IL1RAPL1: variants seen among roughly 807,000 people sequenced by gnomAD.
IL1RAPL1 encodes interleukin-1 receptor accessory protein-like 1.
In IL1RAPL1, 3 loss-of-function variants were observed where a neutral mutation model predicts 48.4. That is an observed-to-expected ratio of 0.06 (90% CI 0.03 to 0.16). The LOEUF is 0.16. IL1RAPL1 is among the 10% of genes least tolerant of loss of function. The pLI is 1.00. For missense variants in IL1RAPL1, 349 were observed against 530.6 expected (o/e 0.66, Z 3.36); for synonymous variants, 185 against 187.7 (o/e 0.99, Z 0.12).
chrX:29,608,687 G>A (rs1334094078), intron 5 of IL1RAPL1, among the ~76,000 whole-genome samples: 9 of 99,646 alleles, frequency 9.0e-5, no homozygotes, highest in Admixed American at 4.5e-4. Context: ...TTAGCCGGGC[G>A]TGGTGGCGGG....
intron 2 of IL1RAPL1, among the ~76,000 whole-genome samples, chrX:29,156,271 T>C (rs1221409890): frequency 9.0e-6 from 1 of 111,705 alleles, no homozygotes; most frequent in East Asian, 2.8e-4. Context: ...CCTGTTGGAT[T>C]GAAGCATATT....
At chrX:29,166,503 A>G (rs1929788364) in intron 2 of IL1RAPL1, among the ~76,000 whole-genome samples, 1 of 111,504 alleles carries the variant, frequency 9.0e-6, no homozygotes, top group African/African-American at 3.3e-5. Flanking sequence ...TCGAAGTGAC[A>G]ATCTTCTGAA....
intron 2 of IL1RAPL1, among the ~76,000 whole-genome samples, chrX:29,117,158 A>G (rs1928693581): frequency 9.0e-6 from 1 of 111,557 alleles, no homozygotes; most frequent in African/African-American, 3.3e-5. Context: ...AACTGTAAGG[A>G]CTTGATATGG....
chrX:29,122,256 G>A (rs953425486), intron 2 of IL1RAPL1, among the ~76,000 whole-genome samples: 2 of 111,273 alleles, frequency 1.8e-5, no homozygotes, highest in Non-Finnish European at 3.8e-5. Flanking sequence ...TAAGAGCAAT[G>A]TGCATCACAT....
At chrX:28,675,444 GC>G (rs985679641) in intron 1 of IL1RAPL1, among the ~76,000 whole-genome samples, 1 of 111,536 alleles carries the variant, frequency 9.0e-6, no homozygotes. Flanking sequence ...TGTTTGCCAA[GC>G]CCCAGTGTGC....
chrX:29,753,037 G>A (rs772608465), intron 6 of IL1RAPL1, among the ~76,000 whole-genome samples: 133 of 111,869 alleles, frequency 1.2e-3, no homozygotes, highest in Non-Finnish European at 1.6e-3. Context: ...AAGTGTGTGC[G>A]TTATGACATA....
chrX:28,710,586 T>C (rs1293326412), intron 1 of IL1RAPL1, among the ~76,000 whole-genome samples: 2 of 110,521 alleles, frequency 1.8e-5, no homozygotes, highest in African/African-American at 3.3e-5. Context: ...TGTAGAGTTA[T>C]TGTGGGGTCT....
chrX:29,066,769 G>A (rs1431515577), intron 2 of IL1RAPL1, among the ~76,000 whole-genome samples: 2 of 112,068 alleles, frequency 1.8e-5, no homozygotes, highest in Non-Finnish European at 3.8e-5. Flanking sequence ...GGGTGGAGGA[G>A]GGGAGCTCCA....
chrX:28,856,094 C>T (rs780307213), intron 2 of IL1RAPL1, among the ~76,000 whole-genome samples: 20 of 111,710 alleles, frequency 1.8e-4, no homozygotes, highest in Non-Finnish European at 2.6e-4. Context: ...TATTTTAAAT[C>T]TACCTTTAAA....
At chrX:28,769,992 T>G (rs1936292301) in intron 1 of IL1RAPL1, among the ~76,000 whole-genome samples, 1 of 112,252 alleles carries the variant, frequency 8.9e-6, no homozygotes, top group African/African-American at 3.2e-5. Flanking sequence ...TCTAAGTCTT[T>G]TAACTGCTGA....
intron 5 of IL1RAPL1, among the ~76,000 whole-genome samples, chrX:29,429,252 A>G (rs760377943): frequency 8.9e-6 from 1 of 112,164 alleles, no homozygotes; most frequent in East Asian, 2.8e-4. Flanking sequence ...CTACAGAGTA[A>G]GTAGCAGTCT....
chrX:29,665,625 C>T (rs1925977945), intron 5 of IL1RAPL1, among the ~76,000 whole-genome samples: 2 of 112,339 alleles, frequency 1.8e-5, no homozygotes, highest in Admixed American at 9.5e-5. Flanking sequence ...TAGAACTGAG[C>T]TACATCTTAG....
intron 5 of IL1RAPL1, among the ~76,000 whole-genome samples, chrX:29,431,257 A>T (rs755639879): frequency 8.9e-6 from 1 of 112,059 alleles, no homozygotes; most frequent in Non-Finnish European, 1.9e-5. Flanking sequence ...AGTAATTCTC[A>T]TTTCAAAATA....
intron 6 of IL1RAPL1, among the ~76,000 whole-genome samples, chrX:29,816,781 C>CA (rs370139706): frequency 2.7e-5 from 3 of 110,598 alleles, no homozygotes; most frequent in African/African-American, 6.6e-5. Context: ...CCTCCCCCCC[C>CA]ACTGAAATTT....
At chrX:29,285,110 CTTA>C (rs1478381871) in intron 3 of IL1RAPL1, among the ~76,000 whole-genome samples, 1 of 111,774 alleles carries the variant, frequency 8.9e-6, no homozygotes, top group Non-Finnish European at 1.9e-5. Context: ...CATTTCGTCA[CTTA>C]TTATTGATGG....
At chrX:29,387,984 CTCTG>C (rs1933802103) in intron 3 of IL1RAPL1, among the ~76,000 whole-genome samples, 1 of 104,262 alleles carries the variant, frequency 9.6e-6, no homozygotes, top group African/African-American at 3.5e-5. Flanking sequence ...AAGAGCAAGA[CTCTG>C]TCTGAAAAAA....
chrX:28,947,651 G>C (rs902670043), intron 2 of IL1RAPL1, among the ~76,000 whole-genome samples: 3 of 111,381 alleles, frequency 2.7e-5, no homozygotes, highest in African/African-American at 9.8e-5. Flanking sequence ...CACGGCACAT[G>C]TGTACGTATG....
At chrX:29,297,389 T>C (rs1466528610) in intron 3 of IL1RAPL1, among the ~76,000 whole-genome samples, 1 of 112,657 alleles carries the variant, frequency 8.9e-6, no homozygotes, top group Admixed American at 9.4e-5. Flanking sequence ...ATTCTCAGCA[T>C]GTGGCTTCCA....
intron 2 of IL1RAPL1, among the ~76,000 whole-genome samples, chrX:29,128,258 A>G (rs1190535563): frequency 9.0e-6 from 1 of 111,163 alleles, no homozygotes; most frequent in African/African-American, 3.3e-5. Flanking sequence ...ATGACCCAAT[A>G]CATTACCTCA....
Sources: allele counts gnomAD v4.1 joint callset (sites outside exome capture counted in the v4.1 genomes callset), GRCh38; gene constraint gnomAD v4.1.1; transcripts MANE v1.5; gene names NCBI Gene and HGNC (gene_info 2026-07-23, HGNC 2026-07-21).